UTS2: variants seen among roughly 807,000 people sequenced by gnomAD.
UTS2 encodes urotensin 2.
In UTS2, 10 loss-of-function variants were observed where a neutral mutation model predicts 12.6. The ratio of observed to expected loss-of-function variants is 0.80; its 90% CI spans 0.49 to 1.35. UTS2 has a LOEUF of 1.35. Among genes scored for constraint, UTS2 ranks in the 40% most tolerant of loss-of-function variants. The probability of loss-of-function intolerance (pLI) is 0.00; values close to 1 mark genes in which losing one functional copy is unlikely to be tolerated. For missense variants in UTS2, 142 were observed against 143.2 expected, an observed-to-expected ratio of 0.99 and a Z score of 0.04; for synonymous variants, 52 against 50.0, an observed-to-expected ratio of 1.04 and a Z score of -0.17.
In UTS2 at chr1:7,849,890, G is replaced by A. The variant is rs972118003; in HGVS notation, c.215-207C>T. Reference sequence around the variant, plus strand: ...TCACTGCATTGTCCTCAGTAACTTCGCAGTCCAGTAGCTCGTCAAAGATAT... The same window carrying A: ...TCACTGCATTGTCCTCAGTAACTTCACAGTCCAGTAGCTCGTCAAAGATAT... On this transcript the variant is annotated intron_variant, in intron 2 of 3. Coordinates refer to ENST00000361696, the MANE Select transcript of UTS2 (RefSeq NM_006786.4). Among the ~76,000 whole-genome samples, 11 of 151,932 alleles carry A rather than the reference G, an allele frequency of 7.2e-5. No homozygotes were observed. In the South Asian group the frequency reaches 1.2e-3, roughly 17 times the overall value.
the UTS2 span, among the ~76,000 whole-genome samples, chr1:7,897,748 G>C: frequency 1.1e-4 from 17 of 152,078 alleles, no homozygotes; most frequent in South Asian, 3.5e-3. Context: ...CACCACGCCC[G>C]GCTAATTTTT....
chr1:7,868,928 G>A, the UTS2 span, among the ~76,000 whole-genome samples: 1 of 152,142 alleles, frequency 6.6e-6, no homozygotes, highest in South Asian at 2.1e-4. Flanking sequence ...GCCTTGTGAG[G>A]ACACAGGAAG....
chr1:7,890,707 C>T, the UTS2 span, among the ~76,000 whole-genome samples: 1 of 123,472 alleles, frequency 8.1e-6, no homozygotes, highest in African/African-American at 3.2e-5. Flanking sequence ...GCCTGGACAA[C>T]AGAGTGAGAC....
chr1:7,905,424 C>T, the UTS2 span, among the ~76,000 whole-genome samples: 3 of 138 alleles, frequency 0.022, no homozygotes, highest in East Asian at 0.17. Flanking sequence ...GGATTATAGG[C>T]GTGACGCCGT....
the UTS2 span, among the ~76,000 whole-genome samples, chr1:7,869,662 G>T: frequency 5.3e-4 from 81 of 152,366 alleles, 3 homozygotes; most frequent in East Asian, 0.015. Flanking sequence ...GGCTGCCAAG[G>T]AGCGATGTTC....
the UTS2 span, among the ~76,000 whole-genome samples, chr1:7,904,736 C>A: frequency 6.6e-6 from 1 of 151,814 alleles, no homozygotes. Context: ...GAAACCCTGT[C>A]TCTACTAAAA....
At chr1:7,913,099 C>T in the UTS2 span, among the ~76,000 whole-genome samples, 1 of 151,114 alleles carries the variant, frequency 6.6e-6, no homozygotes, top group Non-Finnish European at 1.5e-5. Flanking sequence ...TGCATGCCTG[C>T]TACGGAACTC....
chr1:7,889,848 C>T, the UTS2 span, among the ~76,000 whole-genome samples: 2 of 151,972 alleles, frequency 1.3e-5, no homozygotes, highest in African/African-American at 2.4e-5. Flanking sequence ...GGGAGGATCA[C>T]GAGGTCAGGA....
At chr1:7,857,455 T>A (rs1638336461), upstream of UTS2, among the ~76,000 whole-genome samples, 1 of 133,716 alleles carries the variant, frequency 7.5e-6, no homozygotes, top group South Asian at 2.6e-4. Flanking sequence ...AACTAGAATA[T>A]CAGGTAGTTA....
At chr1:7,864,748 G>T in the UTS2 span, among the ~76,000 whole-genome samples, 3 of 152,124 alleles carry the variant, frequency 2.0e-5, no homozygotes, top group African/African-American at 7.2e-5. Flanking sequence ...CTGCACTGTG[G>T]GCAATCACTC....
the UTS2 span, among the ~76,000 whole-genome samples, chr1:7,909,601 A>G: frequency 1.3e-5 from 2 of 151,562 alleles, no homozygotes; most frequent in Non-Finnish European, 2.9e-5. Flanking sequence ...TTTTATTTTT[A>G]AAAAGTTCTT....
chr1:7,849,720 T>G (rs764403362), intron 2 of UTS2, 37 bp from the exon 3 acceptor site: 2 of 1,556,466 alleles, frequency 1.3e-6, no homozygotes, highest in Admixed American at 2.0e-5. Flanking sequence ...ATCAGATCTG[T>G]TGTTTCTCTT....
At chr1:7,906,680 C>T in the UTS2 span, among the ~76,000 whole-genome samples, 3 of 152,114 alleles carry the variant, frequency 2.0e-5, no homozygotes, top group Middle Eastern at 3.4e-3. Flanking sequence ...ACCATGAATG[C>T]CAATATCAAC....
the UTS2 span, among the ~76,000 whole-genome samples, chr1:7,909,113 G>T: frequency 6.6e-6 from 1 of 152,026 alleles, no homozygotes; most frequent in African/African-American, 2.4e-5. Flanking sequence ...CTTACATTGC[G>T]GAAAGACCTG....
intron 2 of UTS2, among the ~76,000 whole-genome samples, chr1:7,849,992 CAG>C (rs1386203477): frequency 7.3e-6 from 1 of 137,736 alleles, no homozygotes; most frequent in Non-Finnish European, 1.6e-5. Flanking sequence ...TTTTTTGAGA[CAG>C]AGTCTTGCTC....
intron 2 of UTS2, 23 bp from the exon 3 acceptor site, chr1:7,849,706 G>C: frequency 6.3e-7 from 1 of 1,599,690 alleles, no homozygotes. Context: ...TTTGAAGCCA[G>C]TTCATCAGAT....
At chr1:7,906,036 G>A in the UTS2 span, among the ~76,000 whole-genome samples, 2 of 152,144 alleles carry the variant, frequency 1.3e-5, no homozygotes, top group Non-Finnish European at 2.9e-5. Context: ...TGAGCATCTT[G>A]TTTTGAGGAA....
the UTS2 span, among the ~76,000 whole-genome samples, chr1:7,898,636 C>T: frequency 6.6e-5 from 10 of 152,014 alleles, no homozygotes; most frequent in Admixed American, 1.3e-4. Context: ...CCACTACGCC[C>T]GGCTAATTTT....
the UTS2 span, among the ~76,000 whole-genome samples, chr1:7,887,040 CAAAAAAAAA>C: frequency 8.6e-5 from 3 of 34,728 alleles, no homozygotes; most frequent in African/African-American, 2.5e-4. Flanking sequence ...GACTCCGTCT[CAAAAAAAAA>C]AAAAAAAAAA....
Sources: allele counts gnomAD v4.1 joint callset (sites outside exome capture counted in the v4.1 genomes callset), GRCh38; gene constraint gnomAD v4.1.1; transcripts MANE v1.5; gene names NCBI Gene and HGNC (gene_info 2026-07-23, HGNC 2026-07-21).